Variants in FOXO3 observed in about 807,000 individuals in gnomAD.
FOXO3 encodes the protein forkhead box protein O3.
FOXO3 carries 4 observed loss-of-function variants against 41.9 expected under a neutral mutation model. The observed-to-expected ratio is 0.10, with a 90% confidence interval of 0.05 to 0.22. The LOEUF (loss-of-function observed/expected upper bound fraction) is 0.22. Among genes scored for constraint, FOXO3 ranks in the 10% least tolerant of loss-of-function variants. FOXO3 has a pLI of 1.00. For missense variants in FOXO3, 534 were observed against 906.8 expected (o/e 0.59, Z 5.28); for synonymous variants, 318 against 389.3 (o/e 0.82, Z 2.16).
At chr6:108,673,154 GA>G (rs1779265439) in intron 2 of FOXO3, among the ~76,000 whole-genome samples, 1 of 152,144 alleles carries the variant, frequency 6.6e-6, no homozygotes, top group Non-Finnish European at 1.5e-5. Context: ...ATGTTTACCT[GA>G]AAATGCTGCC....
In FOXO3 at chr6:108,565,615, G is replaced by T. The variant is rs562908752; in HGVS notation, c.621+3786G>T. Among the ~76,000 whole-genome samples the T allele has an allele frequency of 3.3e-5, 5 of 152,306 alleles. No individual in the cohort carries two copies. The East Asian group carries it at 9.6e-4, about 29-fold the overall frequency. ...TAGTGGTTCCCATAATTTCACAAGT[G>T]TGGGGGATACTGTGTTAAGATTTCT... On this transcript the variant is annotated intron_variant, in intron 1 of 2. Coordinates refer to ENST00000406360, the MANE Select transcript of FOXO3 (RefSeq NM_001455.4).
intron 1 of FOXO3, among the ~76,000 whole-genome samples, chr6:108,637,537 C>T (rs969021509): frequency 6.6e-6 from 1 of 152,060 alleles, no homozygotes; most frequent in African/African-American, 2.4e-5. Context: ...TGAGTTAAGC[C>T]TATGCAGGTT....
chr6:108,580,086 A>G (rs937277514), intron 1 of FOXO3, among the ~76,000 whole-genome samples: 10 of 151,872 alleles, frequency 6.6e-5, no homozygotes, highest in African/African-American at 1.5e-4. Context: ...AGATTTATCT[A>G]TCATTTTCAT....
At chr6:108,592,507 T>C (rs1776755798) in intron 1 of FOXO3, among the ~76,000 whole-genome samples, 1 of 152,218 alleles carries the variant, frequency 6.6e-6, no homozygotes, top group Non-Finnish European at 1.5e-5. Context: ...ATTTGAGCAA[T>C]AGAAGTTCTT....
intron 1 of FOXO3, among the ~76,000 whole-genome samples, chr6:108,583,680 G>A (rs1273111804): frequency 6.6e-6 from 1 of 152,192 alleles, no homozygotes; most frequent in Non-Finnish European, 1.5e-5. Flanking sequence ...TTCAGGCACT[G>A]GAGAAGTTTG....
chr6:108,586,938 ATT>A (rs1182910029), intron 1 of FOXO3, among the ~76,000 whole-genome samples: 9 of 5,792 alleles, frequency 1.6e-3, no homozygotes, highest in Admixed American at 6.5e-3. Flanking sequence ...GAACGTAAAT[ATT>A]ATTATTATTA....
At chr6:108,666,744 T>G (rs1416756263) in intron 2 of FOXO3, among the ~76,000 whole-genome samples, 1 of 151,242 alleles carries the variant, frequency 6.6e-6, no homozygotes, top group East Asian at 1.9e-4. Context: ...TGCCCTGAAC[T>G]GGAGTCAAAG....
In FOXO3 at chr6:108,680,470, G is replaced by A. The variant is rs1246296668; in HGVS notation, c.*678G>A. 1 of 152,198 alleles carries A rather than the reference G, an allele frequency of 6.6e-6. No individual in the cohort carries two copies. The highest frequency in any genetic ancestry group is 2.4e-5 in the African/African-American group (1 of 41,420). 9.4% of individuals were successfully genotyped at this position (152,198 alleles called of 1,614,324 possible). On this transcript the variant is annotated 3_prime_UTR_variant, in exon 3 of 3. Transcript: ENST00000406360. ...TTGTTTGCTATGTGCACCCGTCCAG[G>A]ACAGAACCGTGCATAGGCAAAAGGA...
intron 1 of FOXO3, among the ~76,000 whole-genome samples, chr6:108,639,003 C>T (rs116122542): frequency 1.1e-3 from 170 of 152,306 alleles, no homozygotes; most frequent in African/African-American, 3.9e-3. Flanking sequence ...GGTGTCAGCA[C>T]TGTCTAGATG....
chr6:108,606,932 T>A (rs1408316663), intron 1 of FOXO3, among the ~76,000 whole-genome samples: 1 of 152,264 alleles, frequency 6.6e-6, no homozygotes, highest in Non-Finnish European at 1.5e-5. Flanking sequence ...TGCCACCAGA[T>A]GTCTCTTGTT....
At chr6:108,637,656 T>G (rs1778153427) in intron 1 of FOXO3, among the ~76,000 whole-genome samples, 1 of 152,142 alleles carries the variant, frequency 6.6e-6, no homozygotes, top group East Asian at 1.9e-4. Flanking sequence ...TGTCTGTCTT[T>G]CCCCCGGATG....
chr6:108,627,529 G>A (rs1777844687), intron 1 of FOXO3, among the ~76,000 whole-genome samples: 2 of 152,070 alleles, frequency 1.3e-5, no homozygotes, highest in Admixed American at 6.6e-5. Flanking sequence ...CAGAAAAAAA[G>A]GTAAAATAAA....
chr6:108,619,074 T>C (rs1275573519), intron 1 of FOXO3, among the ~76,000 whole-genome samples: 1 of 152,218 alleles, frequency 6.6e-6, no homozygotes, highest in African/African-American at 2.4e-5. Flanking sequence ...AAAACAGTTG[T>C]CTTGTGTTTT....
At chr6:108,623,200 T>A (rs1582789595) in intron 1 of FOXO3, among the ~76,000 whole-genome samples, 1 of 151,600 alleles carries the variant, frequency 6.6e-6, no homozygotes, top group Non-Finnish European at 1.5e-5. Context: ...CTGGAAGGGG[T>A]GGGGCAGAGA....
chr6:108,675,673 G>T (rs369431754), intron 2 of FOXO3, among the ~76,000 whole-genome samples: 5 of 152,190 alleles, frequency 3.3e-5, no homozygotes, highest in African/African-American at 1.2e-4. Context: ...CTTTATTTTT[G>T]CTTGTGGGGC....
intron 2 of FOXO3, among the ~76,000 whole-genome samples, chr6:108,665,267 C>A (rs1427081626): frequency 1.3e-5 from 2 of 152,196 alleles, no homozygotes; most frequent in African/African-American, 4.8e-5. Flanking sequence ...GGTCGTACTT[C>A]AGGGTTAAGG....
At chr6:108,630,484 G>T (rs1490581026) in intron 1 of FOXO3, among the ~76,000 whole-genome samples, 1 of 152,130 alleles carries the variant, frequency 6.6e-6, no homozygotes, top group African/African-American at 2.4e-5. Flanking sequence ...GGTGGCTAGG[G>T]TAGTATTGCG....
chr6:108,561,930 A>T (rs9374037), intron 1 of FOXO3, 101 bp downstream of exon 1: 72,710 of 1,443,044 alleles, frequency 0.05, 3,084 homozygotes, highest in South Asian at 0.2. Context: ...GCTCCAGGGC[A>T]AGGGGTTGGC....
At chr6:108,580,208 A>T (rs1476436693) in intron 1 of FOXO3, among the ~76,000 whole-genome samples, 48 of 11,634 alleles carry the variant, frequency 4.1e-3, no homozygotes, top group Non-Finnish European at 2.7e-3. Flanking sequence ...TTTTTTTTTG[A>T]GATGGAGTCT....
Sources: gnomAD v4.1 joint callset for allele counts (sites outside exome capture counted in the v4.1 genomes callset) on GRCh38, gnomAD v4.1.1 for gene constraint, MANE v1.5 for transcripts, NCBI Gene and HGNC (gene_info 2026-07-23, HGNC 2026-07-21) for gene names.